RLF: variants seen among roughly 807,000 people sequenced by gnomAD.
RLF encodes the protein zinc finger protein Rlf.
In RLF, 7 loss-of-function variants were observed where a neutral mutation model predicts 162.9. The ratio of observed to expected loss-of-function variants is 0.04; its 90% CI spans 0.02 to 0.08. The LOEUF (loss-of-function observed/expected upper bound fraction) is 0.08, where lower values mean the gene tolerates loss of function less well. RLF is among the 10% of genes least tolerant of loss of function. The probability of loss-of-function intolerance (pLI) is 1.00; values close to 1 mark genes in which losing one functional copy is unlikely to be tolerated. For missense variants in RLF, 1,664 were observed against 2,244.7 expected (o/e 0.74, Z 5.23); for synonymous variants, 782 against 791.5 (o/e 0.99, Z 0.20).
intron 4 of RLF, among the ~76,000 whole-genome samples, chr1:40,201,162 C>CTCCCTAG (rs1430529777): frequency 2.1e-5 from 3 of 144,008 alleles, no homozygotes; most frequent in Non-Finnish European, 4.5e-5. Context: ...TTTTAATAAG[C>CTCCCTAG]TCCCTAGGTG....
rs528584567 is a variant in RLF, at chr1:40,161,938, G to A, written c.237+302G>A. 5.9e-5 allele frequency among the ~76,000 whole-genome samples: 9 copies of A among 152,340 alleles called. No individual in the cohort carries two copies. Among genetic ancestry groups the A allele is most frequent in the African/African-American group, 1.9e-4 (8 of 41,580 alleles). ...CCTGTGTCCTGGCCGGGTGGTTGGA[G>A]CGCCACTGCCCCCTGAGGGATTGAT... On this transcript the variant is annotated intron_variant, in intron 1 of 7. Coordinates refer to ENST00000372771, the MANE Select transcript of RLF (RefSeq NM_012421.4). This position sits in a 1 kb window ranked among gnomAD's most constrained non-coding sequence, Gnocchi z 4.4.
At chr1:40,215,363 C>A (rs945648190) in intron 5 of RLF, among the ~76,000 whole-genome samples, 5 of 152,080 alleles carry the variant, frequency 3.3e-5, no homozygotes, top group African/African-American at 1.2e-4. Context: ...GTCTATTCTC[C>A]AGGATAGACC....
rs1642091714 is a variant in RLF at position 40,161,882 on chromosome 1, TC to T, written c.237+249del. Among the ~76,000 whole-genome samples, 1 of 152,072 alleles carries T rather than the reference TC, an allele frequency of 6.6e-6. No individual in the cohort carries two copies. Among genetic ancestry groups the T allele is most frequent in the African/African-American group, 2.4e-5 (1 of 41,396 alleles). The stretch of plus-strand genomic sequence containing the variant: ...TGAGATCCCGGAGGGCCCTGGCGGG[TC>T]CCTGGAAGGGCTGTGCCCTGTCGCC... On this transcript the variant is annotated intron_variant, in intron 1 of 7. Transcript: ENST00000372771. This position sits in a 1 kb window ranked among gnomAD's most constrained non-coding sequence, Gnocchi z 4.4.
chr1:40,187,042 T>TA (rs1414834042), intron 1 of RLF, among the ~76,000 whole-genome samples: 1 of 145,934 alleles, frequency 6.9e-6, no homozygotes, highest in Admixed American at 6.8e-5. Flanking sequence ...TGTTTTTTGG[T>TA]TTTTTTTTTT....
intron 1 of RLF, among the ~76,000 whole-genome samples, chr1:40,182,748 GATA>G (rs1352244055): frequency 1.1e-3 from 127 of 114,406 alleles, no homozygotes; most frequent in African/African-American, 3.2e-3. Flanking sequence ...TAGACAGATA[GATA>G]GGTAGATAGA....
intron 5 of RLF, among the ~76,000 whole-genome samples, chr1:40,221,976 G>A (rs965383036): frequency 1.3e-5 from 2 of 149,620 alleles, no homozygotes; most frequent in African/African-American, 4.9e-5. Context: ...ATTTTTATTT[G>A]TTTTTTGTTT....
chr1:40,168,388 G>T (rs1557735888), intron 1 of RLF, among the ~76,000 whole-genome samples: 1 of 152,100 alleles, frequency 6.6e-6, no homozygotes, highest in Non-Finnish European at 1.5e-5. Context: ...TGGGACTACA[G>T]GTGTGTGCCA....
Position 40,236,190 on chromosome 1 carries a change from C to T in RLF, c.1488C>T (p.Gly496=), listed in dbSNP as rs1643215335. The change falls in exon 8 of 8, where the codon GGC becomes GGT. Residue 496 remains glycine, a synonymous_variant. Transcript: ENST00000372771. This position sits in a 1 kb window ranked among gnomAD's most constrained non-coding sequence, Gnocchi z 7.7. ...EASDSDDDLS[G]YEMSINDTDV... ...CAGATTCTGATGATGATTTAAGTGG[C>T]TATGAAATGTCCATTAATGACACAG... 6.2e-7 allele frequency: 1 copy of T among 1,613,828 alleles called. No homozygotes were observed. Among genetic ancestry groups the T allele is most frequent in the Non-Finnish European group, 8.5e-7 (1 of 1,179,938 alleles).
intron 1 of RLF, among the ~76,000 whole-genome samples, chr1:40,182,654 A>T (rs1187931501): frequency 6.6e-6 from 1 of 152,200 alleles, no homozygotes; most frequent in African/African-American, 2.4e-5. Flanking sequence ...CCTGTGGCAG[A>T]ATCGGTATCT....
chr1:40,231,586 C>T lies in RLF; in HGVS notation c.1017C>T (p.Arg339=), dbSNP rs1408412969. The T allele has an allele frequency of 2.5e-6, 4 of 1,613,920 alleles. No homozygotes were observed. Among genetic ancestry groups the T allele is most frequent in the Non-Finnish European group, 3.4e-6 (4 of 1,179,920 alleles). ...IDPSLDTFLE[R]CRQFGVIAKT... ...CTTCTTTAGATACTTTTTTGGAGCG[C>T]TGTCGTCAGTTTGGTGTCATAGCTA... The change falls in exon 7 of 8, where the codon CGC becomes CGT. Residue 339 remains arginine, a synonymous_variant. Transcript: ENST00000372771.
In RLF at chr1:40,238,968, C is replaced by T. The variant is rs1223144830; in HGVS notation, c.4266C>T (p.Asn1422=). The change falls in exon 8 of 8, where the codon AAC becomes AAT. Residue 1422 remains asparagine (N), a synonymous_variant. Coordinates refer to ENST00000372771, the MANE Select transcript of RLF (RefSeq NM_012421.4). The surrounding 1 kb of genome is among the most constrained non-coding windows in gnomAD (Gnocchi z 5.2). ...GCCCTGCTGTTTTTTATACATTCAA[C>T]AAGTTGAAGCACCACTTGATGGAAC... ...PQCPAVFYTF[N]KLKHHLMEQH... 4.3e-6 allele frequency: 7 copies of T among 1,614,158 alleles called. No homozygotes were observed. The highest frequency in any genetic ancestry group is 2.2e-5 in the East Asian group (1 of 44,892).
chr1:40,237,903 G>T lies in RLF; in HGVS notation c.3201G>T (p.Leu1067Phe). ...EDTMLELLLR[L>F]KHLSLKNSIT... ...CCATGTTGGAACTTCTGTTACGCTT[G>T]AAACATTTAAGCTTGAAAAACTCAA... Residue 1067 changes from leucine (L) to phenylalanine (F), a missense_variant, in exon 8 of 8, where the codon TTG becomes TTT. Leu to Phe is a conservative substitution (Grantham distance 22, BLOSUM62 0). This residue lies in a region of RLF where 295 missense variants were observed against 317.4 expected (regional missense o/e 0.93). Coordinates refer to ENST00000372771, the MANE Select transcript of RLF (RefSeq NM_012421.4). The surrounding 1 kb of genome is among the most constrained non-coding windows in gnomAD (Gnocchi z 4.4). 1.2e-6 allele frequency: 2 copies of T among 1,614,140 alleles called. No individual in the cohort carries two copies. The highest frequency in any genetic ancestry group is 2.2e-5 in the South Asian group (2 of 91,080).
chr1:40,202,903 G>T (rs944411929), intron 5 of RLF, among the ~76,000 whole-genome samples: 3 of 152,074 alleles, frequency 2.0e-5, no homozygotes, highest in Non-Finnish European at 4.4e-5. Context: ...TCTTTTTAAA[G>T]TAATGACGTC....
At chr1:40,221,899 CAAAAAAA>C (rs895455745) in intron 5 of RLF, among the ~76,000 whole-genome samples, 16 of 65,046 alleles carry the variant, frequency 2.5e-4, no homozygotes, top group East Asian at 5.1e-4. Flanking sequence ...GACTCCGTCT[CAAAAAAA>C]AAAAAAAAAA....
At chr1:40,233,284 A>G (rs574175588) in intron 7 of RLF, among the ~76,000 whole-genome samples, 4 of 152,184 alleles carry the variant, frequency 2.6e-5, no homozygotes, top group Non-Finnish European at 4.4e-5. Flanking sequence ...TTTTTGGCAT[A>G]TCTGTTCAGA....
chr1:40,237,647 A>T lies in RLF; in HGVS notation c.2945A>T (p.His982Leu). 1 of 1,614,160 alleles carries T rather than the reference A, an allele frequency of 6.2e-7. No homozygotes were observed. The highest frequency in any genetic ancestry group is 1.3e-5 in the African/African-American group (1 of 75,056). The change falls in exon 8 of 8, where the codon CAT (histidine) becomes CTT (leucine). Residue 982 changes from histidine (H) to leucine (L), a missense_variant. Physicochemically the swap from His to Leu is moderately conservative, Grantham distance 99 (BLOSUM62 -3). This residue lies in a region of RLF where 295 missense variants were observed against 317.4 expected (regional missense o/e 0.93). Coordinates refer to ENST00000372771, the MANE Select transcript of RLF (RefSeq NM_012421.4). This position sits in a 1 kb window ranked among gnomAD's most constrained non-coding sequence, Gnocchi z 4.4. ...QKHLRKVHPYHFKPKKIKTKD... is the reference protein window; with the variant it reads ...QKHLRKVHPYLFKPKKIKTKD... ...CATTTACGGAAGGTTCATCCATACC[A>T]TTTCAAGCCCAAAAAGATAAAGACG...
intron 1 of RLF, among the ~76,000 whole-genome samples, chr1:40,184,041 G>C (rs1022162541): frequency 1.3e-5 from 2 of 152,166 alleles, no homozygotes; most frequent in Admixed American, 1.3e-4. Context: ...ATGCTGCCAA[G>C]CTCCTTGAAA....
At position 40,237,556 on chromosome 1, in the gene RLF, A is replaced by T; in HGVS notation, c.2854A>T (p.Thr952Ser). Residue 952 changes from threonine (T) to serine (S), a missense_variant, in exon 8 of 8, where the codon ACT becomes TCT. Thr to Ser is a moderately conservative substitution (Grantham distance 58). Transcript: ENST00000372771. This position sits in a 1 kb window ranked among gnomAD's most constrained non-coding sequence, Gnocchi z 4.4. ...CSSMAVCFDG[T>S]KFTCGFDGCG... ...CAGTATGGCAGTTTGTTTTGACGGGACTAAGTTTACCTGTGGTTTTGATGG... is the reference window on the plus strand; with the variant it reads ...CAGTATGGCAGTTTGTTTTGACGGGTCTAAGTTTACCTGTGGTTTTGATGG... 6.2e-7 allele frequency: 1 copy of T among 1,614,092 alleles called. No homozygotes were observed. The highest frequency in any genetic ancestry group is 8.5e-7 in the Non-Finnish European group (1 of 1,179,996).
At position 40,226,289 on chromosome 1, in the gene RLF, G is replaced by A. The variant is rs1165007247; in HGVS notation, c.947+3579G>A. Reference sequence around the variant, plus strand: ...CCTGTAGATGCCTCTCAGTGGTAACGTAATTGGAATAGTCATGCATTTGAA... The same window carrying A: ...CCTGTAGATGCCTCTCAGTGGTAACATAATTGGAATAGTCATGCATTTGAA... On this transcript the variant is annotated intron_variant, in intron 6 of 7. Transcript: ENST00000372771. 6.6e-5 allele frequency among the ~76,000 whole-genome samples: 10 copies of A among 152,124 alleles called. No homozygotes were observed. In the South Asian group the frequency reaches 8.3e-4, roughly 13 times the overall value.
Sources: gnomAD v4.1 joint callset for allele counts (sites outside exome capture counted in the v4.1 genomes callset) on GRCh38, gnomAD v4.1.1 for gene constraint, gnomAD v4.1.1 regional missense constraint, Gnocchi (gnomAD v3.1) non-coding constraint, MANE v1.5 for transcripts, NCBI Gene and HGNC (gene_info 2026-07-23, HGNC 2026-07-21) for gene names.